The following DMRT1 variants were observed in gnomAD, a reference collection of about 807,000 sequenced individuals.
DMRT1 encodes the protein doublesex- and mab-3-related transcription factor 1.
Under a neutral mutation model 32.3 loss-of-function variants are expected in DMRT1, and 7 were observed. The observed-to-expected ratio is 0.22, with a 90% CI of 0.12 to 0.41. The LOEUF is 0.41. Among genes scored for constraint, DMRT1 ranks in the 10% least tolerant of loss-of-function variants. The probability of loss-of-function intolerance (pLI) is 1.00; values close to 1 mark genes in which losing one functional copy is unlikely to be tolerated. For missense variants in DMRT1, 625 were observed against 500.5 expected, an observed-to-expected ratio of 1.25 and a Z score of -2.37; for synonymous variants, 278 against 206.1, an observed-to-expected ratio of 1.35 and a Z score of -2.99.
rs554132196 is a variant in DMRT1 at position 861,670 on chromosome 9, C to G, written c.538+14527C>G. Among the ~76,000 whole-genome samples, 16 of 149,856 alleles carry G rather than the reference C, an allele frequency of 1.1e-4. No homozygotes were observed. The South Asian group carries it at 1.9e-3, about 18-fold the overall frequency. On this transcript the variant is annotated intron_variant, in intron 2 of 4. Coordinates refer to ENST00000382276, the MANE Select transcript of DMRT1 (RefSeq NM_021951.3). ...GCAGAGGGGCTCCTCACTTCCCAGA[C>G]GGGGAAGCCGGGCAGAGGGGCCCCC... is the stretch of plus-strand genomic sequence containing the variant.
chr9:920,739 G>A (rs1818326638), intron 4 of DMRT1, among the ~76,000 whole-genome samples: 1 of 152,198 alleles, frequency 6.6e-6, no homozygotes, highest in Non-Finnish European at 1.5e-5. Context: ...CCAATAGAGG[G>A]AGAATTTGTG....
At chr9:846,391 G>T (rs954024741) in intron 1 of DMRT1, among the ~76,000 whole-genome samples, 7 of 152,052 alleles carry the variant, frequency 4.6e-5, no homozygotes, top group African/African-American at 1.7e-4. Context: ...ACTGGTACCT[G>T]TTTTTAGTAC....
At chr9:906,203 T>C (rs1817771983) in intron 3 of DMRT1, among the ~76,000 whole-genome samples, 1 of 152,174 alleles carries the variant, frequency 6.6e-6, no homozygotes, top group African/African-American at 2.4e-5. Flanking sequence ...AAGTTGAGTG[T>C]GTCCATCAGA....
At chr9:847,882 A>G (rs1792945831) in intron 2 of DMRT1, among the ~76,000 whole-genome samples, 1 of 152,224 alleles carries the variant, frequency 6.6e-6, no homozygotes, top group African/African-American at 2.4e-5. Flanking sequence ...CGGTTTCTTC[A>G]TTACACTAGC....
chr9:890,242 C>T (rs1007483632), intron 2 of DMRT1, among the ~76,000 whole-genome samples: 2 of 151,936 alleles, frequency 1.3e-5, no homozygotes, highest in South Asian at 2.1e-4. Flanking sequence ...CCACCGCACC[C>T]GGCCCAAACT....
intron 2 of DMRT1, among the ~76,000 whole-genome samples, chr9:868,530 G>A (rs547537048): frequency 6.6e-6 from 1 of 152,146 alleles, no homozygotes; most frequent in African/African-American, 2.4e-5. Context: ...GGTTTCAATC[G>A]CAGTTCCAGC....
chr9:842,230 G>GTTGTTTTTTTTTT, intron 1 of DMRT1, 38 bp downstream of exon 1: 1 of 1,266,392 alleles, frequency 7.9e-7, no homozygotes. Flanking sequence ...TTCAGCCTTA[G>GTTGTTTTTTTTTT]TTTTTTTTTT....
chr9:900,250 G>A (rs955403700), intron 3 of DMRT1, among the ~76,000 whole-genome samples: 2 of 152,200 alleles, frequency 1.3e-5, no homozygotes, highest in Non-Finnish European at 2.9e-5. Flanking sequence ...CTGGCCCGGT[G>A]CTCCAGCACC....
In DMRT1 at chr9:968,034, C is replaced by G; in HGVS notation, c.1017C>G (p.Ser339Arg). ...ATTCTGGCTTGGTTTCCCTCTCGAG[C>G]AGCTCTCCTATTAGTAACAAGAGCA... ...SQDSGLVSLS[S>R]SSPISNKSTK... The change falls in exon 5 of 5, where the codon AGC becomes AGG. Residue 339 changes from serine (S) to arginine (R), a missense_variant. Ser to Arg is a moderately radical substitution (Grantham distance 110). Around this residue, in one of 3 missense-constraint regions of DMRT1, gnomAD observed 416 missense variants for 321.6 expected, o/e 1.29. Transcript: ENST00000382276. The G allele has an allele frequency of 3.7e-6, 6 of 1,614,110 alleles. No individual in the cohort carries two copies. The highest frequency in any genetic ancestry group is 5.1e-6 in the Non-Finnish European group (6 of 1,180,032).
chr9:939,107 C>A (rs962749463), intron 4 of DMRT1, among the ~76,000 whole-genome samples: 7 of 152,352 alleles, frequency 4.6e-5, no homozygotes, highest in Middle Eastern at 3.4e-3. Context: ...GCCTGTGCAT[C>A]CTTTTCCCCT....
rs984877582 is a variant in DMRT1, at chr9:864,007, G to A, written c.538+16864G>A. Among the ~76,000 whole-genome samples the A allele has an allele frequency of 3.9e-5, 6 of 152,104 alleles. No individual in the cohort carries two copies. The East Asian group carries it at 5.8e-4, about 15-fold the overall frequency. ...AACCAGGAAACTATATGAGACTGGC[G>A]GGGGACAGACTGCGGGGTGATAAGA... On this transcript the variant is annotated intron_variant, in intron 2 of 4. Transcript: ENST00000382276.
At chr9:909,825 A>C (rs998100915) in intron 3 of DMRT1, among the ~76,000 whole-genome samples, 4 of 152,094 alleles carry the variant, frequency 2.6e-5, no homozygotes, top group African/African-American at 4.8e-5. Context: ...CGATCCTCCC[A>C]CATCAGCCTC....
chr9:846,103 C>T (rs970014679), intron 1 of DMRT1, among the ~76,000 whole-genome samples: 1 of 150,520 alleles, frequency 6.6e-6, no homozygotes, highest in Admixed American at 6.6e-5. Context: ...GCGATCTCGG[C>T]TCACTGCAAC....
At chr9:914,393 TA>T (rs1021962900) in intron 3 of DMRT1, among the ~76,000 whole-genome samples, 55 of 151,870 alleles carry the variant, frequency 3.6e-4, no homozygotes, top group African/African-American at 1.3e-3. Context: ...GCTAACACGG[TA>T]AAACCCTGTC....
At chr9:957,197 G>A (rs1263169898) in intron 4 of DMRT1, among the ~76,000 whole-genome samples, 1 of 152,150 alleles carries the variant, frequency 6.6e-6, no homozygotes, top group Non-Finnish European at 1.5e-5. Flanking sequence ...GTTGAAACAT[G>A]AGCATGAGCT....
intron 4 of DMRT1, among the ~76,000 whole-genome samples, chr9:943,756 G>T (rs1017618353): frequency 1.3e-5 from 2 of 152,164 alleles, no homozygotes; most frequent in Middle Eastern, 6.3e-3. Context: ...ACTGATGAAG[G>T]ACCCCATTCT....
intron 4 of DMRT1, among the ~76,000 whole-genome samples, chr9:933,255 G>A (rs938101141): frequency 1.3e-5 from 2 of 152,102 alleles, no homozygotes; most frequent in African/African-American, 2.4e-5. Context: ...AGGGTCTTTC[G>A]GGCGACCAGC....
At chr9:863,312 C>T (rs115934138) in intron 2 of DMRT1, among the ~76,000 whole-genome samples, 1,604 of 111,162 alleles carry the variant, frequency 0.014, 35 homozygotes, top group African/African-American at 0.049. Context: ...AGTGAGGCCA[C>T]GTCTCTTAAA....
At chr9:866,635 G>C (rs962776549) in intron 2 of DMRT1, among the ~76,000 whole-genome samples, 2 of 152,214 alleles carry the variant, frequency 1.3e-5, no homozygotes, top group African/African-American at 4.8e-5. Context: ...CTGATACACT[G>C]ATACCAAATG....
Sources: allele counts gnomAD v4.1 joint callset (sites outside exome capture counted in the v4.1 genomes callset), GRCh38; gene constraint gnomAD v4.1.1; regional missense constraint gnomAD v4.1.1; transcripts MANE v1.5; gene names NCBI Gene and HGNC (gene_info 2026-07-23, HGNC 2026-07-21).